The following SUCO variants were observed in gnomAD, a reference collection of about 807,000 sequenced individuals.
SUCO encodes SUN domain containing ossification factor.
SUCO carries 57 observed loss-of-function variants against 148.1 expected under a neutral mutation model. The observed-to-expected ratio is 0.38, with a 90% CI of 0.31 to 0.48. The LOEUF (loss-of-function observed/expected upper bound fraction) is 0.48, where lower values mean the gene tolerates loss of function less well. Ranked by LOEUF, SUCO falls within the 20% of genes least tolerant of loss-of-function variation. The pLI is 0.96. For synonymous variants in SUCO, 470 were observed against 502.7 expected (o/e 0.93, Z 0.87); for missense variants, 1,331 against 1,468.2 (o/e 0.91, Z 1.53).
chr1:172,575,689 A>G, intron 11 of SUCO, 66 bp downstream of exon 11: 1 of 1,061,958 alleles, frequency 9.4e-7, no homozygotes, highest in South Asian at 1.4e-5. Context: ...CACTTTATAC[A>G]CCTCATCTTT....
chr1:172,591,245 A>G (rs1196734428), intron 19 of SUCO, among the ~76,000 whole-genome samples, 174 bp downstream of exon 19: 1 of 152,000 alleles, frequency 6.6e-6, no homozygotes, highest in Admixed American at 6.6e-5. Flanking sequence ...TATTAGCATC[A>G]TTATCTTCTG....
intron 3 of SUCO, among the ~76,000 whole-genome samples, chr1:172,554,338 C>G (rs532561257): frequency 6.6e-6 from 1 of 152,136 alleles, no homozygotes; most frequent in African/African-American, 2.4e-5. Flanking sequence ...CAAATACTTC[C>G]GAGTGCTTAC....
intron 9 of SUCO, 41 bp downstream of exon 9, chr1:172,570,771 T>C (rs1275059302): frequency 8.6e-7 from 1 of 1,156,270 alleles, no homozygotes; most frequent in South Asian, 1.3e-5. Context: ...TCTACATATA[T>C]ATGCATATTA....
intron 19 of SUCO, among the ~76,000 whole-genome samples, chr1:172,594,878 G>T (rs1195749955): frequency 6.6e-6 from 1 of 152,194 alleles, no homozygotes; most frequent in Non-Finnish European, 1.5e-5. Context: ...ACAGTGGGGT[G>T]TTAAAGTCTC....
intron 19 of SUCO, among the ~76,000 whole-genome samples, chr1:172,596,942 C>T (rs1215694556): frequency 1.3e-5 from 2 of 152,224 alleles, no homozygotes; most frequent in Non-Finnish European, 2.9e-5. Context: ...CCACCCAGTT[C>T]GAGCTTCCTG....
chr1:172,589,751 G>T lies in SUCO; in HGVS notation c.2650G>T (p.Ala884Ser), dbSNP rs769254018. ...DALLRGLQRT[A>S]TDFYAELQNS... ...CCTTTTGAGAGGGTTACAGAGGACA[G>T]CTACAGATTTTTATGCTGAATTGCA... The change falls in exon 18 of 24, where the codon GCT becomes TCT. Residue 884 changes from alanine to serine, a missense_variant. By Grantham distance (99) the Ala-to-Ser change is moderately conservative. Transcript: ENST00000263688. 5 of 1,612,286 alleles carry T rather than the reference G, an allele frequency of 3.1e-6. No homozygotes were observed. In the East Asian group the frequency reaches 1.1e-4, roughly 36 times the overall value.
chr1:172,553,989 G>GA (rs1423075625), intron 3 of SUCO, among the ~76,000 whole-genome samples: 2 of 152,018 alleles, frequency 1.3e-5, no homozygotes, highest in African/African-American at 4.8e-5. Context: ...AAGGACTAAG[G>GA]AAAAACTAAA....
intron 22 of SUCO, among the ~76,000 whole-genome samples, chr1:172,606,142 A>T (rs886733009): frequency 6.6e-6 from 1 of 151,554 alleles, no homozygotes; most frequent in Non-Finnish European, 1.5e-5. Flanking sequence ...TGTATATATT[A>T]TTTCTACATA....
At position 172,595,580 on chromosome 1, in the gene SUCO, T is replaced by C. The variant is rs138513351; in HGVS notation, c.2914-4484T>C. Reference sequence around the variant, plus strand: ...TGAAGTTCTGGGTTGAAAATTCCTTTCTTTAAGAATGTTGAATATTGGCCC... The same window carrying C: ...TGAAGTTCTGGGTTGAAAATTCCTTCCTTTAAGAATGTTGAATATTGGCCC... On this transcript the variant is annotated intron_variant, in intron 19 of 23. Transcript: ENST00000263688. Among the ~76,000 whole-genome samples, 328 of 152,322 alleles carry C rather than the reference T, an allele frequency of 2.2e-3. 4 individuals are homozygous for C. The East Asian group carries it at 0.058, about 27-fold the overall frequency.
At chr1:172,578,144 A>C (rs559148234) in intron 13 of SUCO, among the ~76,000 whole-genome samples, 154 bp from the exon 14 acceptor site, 1 of 152,072 alleles carries the variant, frequency 6.6e-6, no homozygotes, top group South Asian at 2.1e-4. Context: ...GAAACAGTAG[A>C]TGACTTAAAT....
At chr1:172,602,290 C>G (rs547094044) in intron 21 of SUCO, 72 bp downstream of exon 21, 10 of 1,414,810 alleles carry the variant, frequency 7.1e-6, no homozygotes, top group Middle Eastern at 2.6e-4. Context: ...AAATTTTAAG[C>G]AAATAAAGGG....
rs558031111 is a variant in SUCO at position 172,557,181 on chromosome 1, G to A, written c.444-99G>A. The A allele has an allele frequency of 2.3e-5, 33 of 1,435,336 alleles. No individual in the cohort carries two copies. The South Asian group carries it at 5.1e-4, about 22-fold the overall frequency. 88.9% of individuals were successfully genotyped at this position (1,435,336 alleles called of 1,614,324 possible). On this transcript the variant is annotated intron_variant, in intron 4 of 23. Coordinates refer to ENST00000263688, the MANE Select transcript of SUCO (RefSeq NM_014283.5). ...ACATGATTTAAAATTTTCTTTCTTTGGTTTACATTATGTTTTGGAAATCAC... is the reference window on the plus strand; with the variant it reads ...ACATGATTTAAAATTTTCTTTCTTTAGTTTACATTATGTTTTGGAAATCAC...
Position 172,575,533 on chromosome 1 carries a change from G to A in SUCO, c.1173G>A (p.Lys391=). The A allele has an allele frequency of 6.2e-7, 1 of 1,608,912 alleles. No individual in the cohort carries two copies. Among genetic ancestry groups the A allele is most frequent in the Non-Finnish European group, 8.5e-7 (1 of 1,177,094 alleles). The change falls in exon 11 of 24, where the codon AAG becomes AAA. Residue 391 remains lysine, a synonymous_variant. Coordinates refer to ENST00000263688, the MANE Select transcript of SUCO (RefSeq NM_014283.5). Reference sequence around the variant, plus strand: ...TATTTTTTAGATATCCAACAAATAAGTGGATTAAGCTGGGTACTTTTCATG... The same window carrying A: ...TATTTTTTAGATATCCAACAAATAAATGGATTAAGCTGGGTACTTTTCATG... ...VSISDRYPTN[K]WIKLGTFHGR... is the part of the protein sequence containing the mutation.
At chr1:172,602,559 T>G in intron 21 of SUCO, 137 bp from the exon 22 acceptor site, 1 of 1,450,318 alleles carries the variant, frequency 6.9e-7, no homozygotes, top group East Asian at 2.4e-5. Context: ...CCACCTGTAT[T>G]AGCAATAACT....
intron 10 of SUCO, chr1:172,574,817 CA>C (rs939390471): frequency 8.5e-5 from 73 of 861,138 alleles, no homozygotes; most frequent in Non-Finnish European, 9.6e-5. Context: ...CTCCACCTCA[CA>C]CTCAGCACTG....
chr1:172,556,023 A>T lies in SUCO; in HGVS notation c.443A>T (p.Asp148Val), dbSNP rs1480220420. 1 of 1,605,554 alleles carries T rather than the reference A, an allele frequency of 6.2e-7. No homozygotes were observed. The highest frequency in any genetic ancestry group is 1.3e-5 in the African/African-American group (1 of 74,666). Residue 148 changes from aspartate (D) to valine (V), a missense_variant and splice_region_variant, in exon 4 of 24, where the codon GAT becomes GTT. Around this residue, in one of 3 missense-constraint regions of SUCO, gnomAD observed 992 missense variants for 1,093.5 expected, o/e 0.91. Transcript: ENST00000263688. ...TSEITPISKL[D>V]EIEKSGTIPI... ...GAAATCACTCCAATCTCAAAGCTTG[A>T]GTAAGTTGTTACAAAAAACAAACAC...
At chr1:172,541,414 G>A (rs1339752381) in intron 1 of SUCO, among the ~76,000 whole-genome samples, 1 of 152,180 alleles carries the variant, frequency 6.6e-6, no homozygotes, top group Non-Finnish European at 1.5e-5. Context: ...CTCAGATTTT[G>A]GTATCTTCGG....
At chr1:172,595,644 C>G (rs1657039011) in intron 19 of SUCO, among the ~76,000 whole-genome samples, 1 of 152,238 alleles carries the variant, frequency 6.6e-6, no homozygotes, top group African/African-American at 2.4e-5. Context: ...GCCAAGAGAT[C>G]CACTGTTAGT....
At chr1:172,533,533 G>A in intron 1 of SUCO, 36 bp downstream of exon 1, 2 of 1,502,860 alleles carry the variant, frequency 1.3e-6, no homozygotes, top group African/African-American at 1.4e-5. Flanking sequence ...TTCCCGTGAG[G>A]GGAGTAAATG....
Sources: gnomAD v4.1 joint callset for allele counts (sites outside exome capture counted in the v4.1 genomes callset) on GRCh38, gnomAD v4.1.1 for gene constraint, gnomAD v4.1.1 regional missense constraint, MANE v1.5 for transcripts, NCBI Gene and HGNC (gene_info 2026-07-23, HGNC 2026-07-21) for gene names.